The following ANK3 variants were observed in gnomAD, a reference collection of about 807,000 sequenced individuals.
The protein encoded by ANK3 is ankyrin-3.
A neutral mutation model predicts 370.9 loss-of-function variants in ANK3; 57 were observed. That is an observed-to-expected ratio of 0.15 (90% confidence interval 0.12 to 0.19). ANK3 has a LOEUF of 0.19. Among genes scored for constraint, ANK3 ranks in the 10% least tolerant of loss-of-function variants. The pLI is 1.00. For missense variants in ANK3, 4,439 were observed against 5,302.1 expected, an observed-to-expected ratio of 0.84 and a Z score of 5.06; for synonymous variants, 1,929 against 1,946.3, an observed-to-expected ratio of 0.99 and a Z score of 0.23.
intron 2 of ANK3, among the ~76,000 whole-genome samples, chr10:60,445,155 T>C (rs1340317171): frequency 6.6e-6 from 1 of 152,188 alleles, no homozygotes; most frequent in Non-Finnish European, 1.5e-5. Context: ...CCTGGTACAG[T>C]GGCTCACGCC....
chr10:60,134,671 A>G (rs923492143), intron 24 of ANK3, among the ~76,000 whole-genome samples: 1 of 152,204 alleles, frequency 6.6e-6, no homozygotes, highest in Non-Finnish European at 1.5e-5. Flanking sequence ...GAAGAACCAG[A>G]TGATTCTAGA....
intron 42 of ANK3, among the ~76,000 whole-genome samples, chr10:60,054,630 T>C (rs2078780683): frequency 1.3e-5 from 2 of 152,214 alleles, no homozygotes; most frequent in Non-Finnish European, 2.9e-5. Flanking sequence ...ATGTGATTAC[T>C]GATAAGCTGA....
rs746944571 is a variant in ANK3, at chr10:60,075,598, G to A, written c.5283C>T (p.Asp1761=). The change falls in exon 37 of 44, where the codon GAC becomes GAT. Residue 1761 remains aspartate (D), a synonymous_variant. Coordinates refer to ENST00000280772, the MANE Select transcript of ANK3 (RefSeq NM_020987.5). ...SVSSVVSAAT[D]TVEKVFSTTT... ...TGGTAGAAAACACTTTCTCAACTGT[G>A]TCAGTGGCTGCACTGACCACAGAGC... 6.2e-7 allele frequency: 1 copy of A among 1,614,082 alleles called. No individual in the cohort carries two copies. Among genetic ancestry groups the A allele is most frequent in the Non-Finnish European group, 8.5e-7 (1 of 1,180,006 alleles).
At chr10:60,733,208 C>T (rs2080051537) in intron 1 of ANK3, 2 of 1,230,014 alleles carry the variant, frequency 1.6e-6, no homozygotes, top group Non-Finnish European at 2.0e-6. Flanking sequence ...CGCCCGGGTC[C>T]CCGCATGCCC....
chr10:60,404,621 A>G (rs1479996497), intron 2 of ANK3, among the ~76,000 whole-genome samples: 2 of 152,214 alleles, frequency 1.3e-5, no homozygotes, highest in African/African-American at 4.8e-5. Flanking sequence ...TAAAGCATTT[A>G]GAAGAAAACA....
intron 1 of ANK3, among the ~76,000 whole-genome samples, chr10:60,379,525 C>T (rs2061274968): frequency 6.6e-6 from 1 of 152,036 alleles, no homozygotes; most frequent in South Asian, 2.1e-4. Context: ...CAATGAAATA[C>T]TATTCAACCA....
At chr10:60,336,531 T>C (rs914048643) in intron 1 of ANK3, among the ~76,000 whole-genome samples, 1 of 152,106 alleles carries the variant, frequency 6.6e-6, no homozygotes, top group African/African-American at 2.4e-5. Flanking sequence ...ATGGTCATAG[T>C]AGTTGCATAT....
At chr10:60,038,089 T>C (rs911907996) in intron 43 of ANK3, among the ~76,000 whole-genome samples, 2 of 152,216 alleles carry the variant, frequency 1.3e-5, no homozygotes, top group Non-Finnish European at 2.9e-5. Flanking sequence ...CACATGCCTG[T>C]CTTCTTTTGA....
At position 60,085,217 on chromosome 10, in the gene ANK3, C is replaced by T. The variant is rs374483310; in HGVS notation, c.3785G>A (p.Gly1262Glu). 3 of 1,613,032 alleles carry T rather than the reference C, an allele frequency of 1.9e-6. No individual in the cohort carries two copies. Among genetic ancestry groups the T allele is most frequent in the African/African-American group, 2.7e-5 (2 of 74,848 alleles). The change falls in exon 31 of 44, where the codon GGA becomes GAA. Residue 1262 changes from glycine to glutamate, a missense_variant. Transcript: ENST00000280772. The stretch of plus-strand genomic sequence containing the variant: ...TTTTATAAACGTCAAAGGAGTTGTT[C>T]CTGTGATGTCTTCCCACTGAGCAGG... ...TSPAQWEDIT[G>E]TTPLTFIKDC...
intron 2 of ANK3, among the ~76,000 whole-genome samples, chr10:60,489,851 A>G (rs1311832276): frequency 2.0e-5 from 3 of 152,250 alleles, no homozygotes; most frequent in Non-Finnish European, 4.4e-5. Flanking sequence ...CAGGAAAAAA[A>G]GCAAAGCCCT....
chr10:60,431,658 G>A (rs909181922), intron 2 of ANK3, among the ~76,000 whole-genome samples: 4 of 152,268 alleles, frequency 2.6e-5, no homozygotes, highest in East Asian at 1.9e-4. Flanking sequence ...CTGGTGGGGG[G>A]GCTAGGGAAG....
intron 16 of ANK3, 95 bp downstream of exon 16, chr10:60,196,050 T>C (rs2096581060): frequency 1.8e-6 from 2 of 1,084,718 alleles, no homozygotes; most frequent in Non-Finnish European, 1.4e-6. Flanking sequence ...GTGCCTAAAC[T>C]AGGAGGGTGC....
chr10:60,114,266 G>T lies in ANK3; in HGVS notation c.2907C>A (p.Thr969=), dbSNP rs1398780111. 6.2e-7 allele frequency: 1 copy of T among 1,609,502 alleles called. No individual in the cohort carries two copies. Among genetic ancestry groups the T allele is most frequent in the Non-Finnish European group, 8.5e-7 (1 of 1,178,136 alleles). Residue 969 remains threonine, a synonymous_variant, in exon 26 of 44, where the codon ACC becomes ACA. Transcript: ENST00000280772. The stretch of plus-strand genomic sequence containing the variant: ...TTGAAACAAGATTGACATTGTCTAA[G>T]GTGTCTGCAGCCCAGCTGTAATGTC... ...SLRHYSWAAD[T]LDNVNLVSSP... is the part of the protein sequence containing the mutation.
At chr10:60,422,860 G>A (rs1403019745) in intron 2 of ANK3, among the ~76,000 whole-genome samples, 1 of 152,010 alleles carries the variant, frequency 6.6e-6, no homozygotes, top group African/African-American at 2.4e-5. Flanking sequence ...TTTAAAACGT[G>A]AAAATTTTGC....
At chr10:60,492,239 T>C (rs2075526554) in intron 2 of ANK3, among the ~76,000 whole-genome samples, 1 of 152,172 alleles carries the variant, frequency 6.6e-6, no homozygotes, top group African/African-American at 2.4e-5. Flanking sequence ...TAGATTATAT[T>C]CCTCTCATAA....
At chr10:60,627,241 A>G (rs910263906) in intron 1 of ANK3, among the ~76,000 whole-genome samples, 1 of 152,118 alleles carries the variant, frequency 6.6e-6, no homozygotes, top group South Asian at 2.1e-4. Context: ...GAAATTACAT[A>G]GCAAATCAAA....
chr10:60,563,219 G>A (rs1000748530), intron 2 of ANK3, among the ~76,000 whole-genome samples: 2 of 152,136 alleles, frequency 1.3e-5, no homozygotes, highest in Non-Finnish European at 2.9e-5. Context: ...TTCTGTTAGA[G>A]TGCTTCTAGA....
At chr10:60,347,710 C>T (rs1448717829) in intron 1 of ANK3, among the ~76,000 whole-genome samples, 3 of 152,040 alleles carry the variant, frequency 2.0e-5, no homozygotes, top group Non-Finnish European at 4.4e-5. Flanking sequence ...TAGACCTATT[C>T]GTAATGATAT....
intron 2 of ANK3, among the ~76,000 whole-genome samples, chr10:60,481,766 A>G (rs2075223662): frequency 6.6e-6 from 1 of 152,114 alleles, no homozygotes; most frequent in Admixed American, 6.5e-5. Flanking sequence ...ACCCGGCCAC[A>G]AGCCAGATAT....
Sources: gnomAD v4.1 joint callset for allele counts (sites outside exome capture counted in the v4.1 genomes callset) on GRCh38, gnomAD v4.1.1 for gene constraint, MANE v1.5 for transcripts, NCBI Gene and HGNC (gene_info 2026-07-23, HGNC 2026-07-21) for gene names.